TBC1D4: variants seen among roughly 807,000 people sequenced by gnomAD.
TBC1D4 encodes TBC1 domain family member 4, also known as TBC (Tre-2, BUB2, CDC16) domain-containing protein.
TBC1D4 carries 121 observed loss-of-function variants against 142.5 expected under a neutral mutation model. The observed-to-expected ratio is 0.85, with a 90% CI of 0.73 to 0.99. TBC1D4 has a LOEUF of 0.99. Among genes scored for constraint, TBC1D4 ranks in the 50% least tolerant of loss-of-function variants. The pLI is 0.00. For missense variants in TBC1D4, 1,475 were observed against 1,606.6 expected, an observed-to-expected ratio of 0.92 and a Z score of 1.40; for synonymous variants, 630 against 628.2, an observed-to-expected ratio of 1.00 and a Z score of -0.04.
intron 15 of TBC1D4, among the ~76,000 whole-genome samples, chr13:75,305,354 T>C (rs191993586): frequency 2.0e-5 from 3 of 152,276 alleles, no homozygotes; most frequent in Non-Finnish European, 2.9e-5. Flanking sequence ...CTGTATCCAA[T>C]AAGAAATAGG....
intron 1 of TBC1D4, among the ~76,000 whole-genome samples, chr13:75,415,822 A>G (rs1290769290): frequency 6.6e-6 from 1 of 152,214 alleles, no homozygotes; most frequent in Non-Finnish European, 1.5e-5. Flanking sequence ...AAATGATCTT[A>G]ACTGTTAAAT....
chr13:75,466,297 G>A (rs1328107758), intron 1 of TBC1D4, among the ~76,000 whole-genome samples: 1 of 152,152 alleles, frequency 6.6e-6, no homozygotes, highest in African/African-American at 2.4e-5. Flanking sequence ...CAGTGAACAT[G>A]TTCAAAACAG....
At chr13:75,419,058 C>T (rs1018162508) in intron 1 of TBC1D4, among the ~76,000 whole-genome samples, 2 of 152,154 alleles carry the variant, frequency 1.3e-5, no homozygotes, top group African/African-American at 4.8e-5. Flanking sequence ...TTTACTTTCT[C>T]TCTCTTTCAC....
intron 1 of TBC1D4, among the ~76,000 whole-genome samples, chr13:75,474,675 C>T (rs1297843203): frequency 8.3e-5 from 9 of 109,056 alleles, no homozygotes; most frequent in Non-Finnish European, 1.6e-4. Context: ...CTCACTTTGT[C>T]GCCCAAGCTA....
chr13:75,417,254 G>T (rs992528941), intron 1 of TBC1D4, among the ~76,000 whole-genome samples: 1 of 152,094 alleles, frequency 6.6e-6, no homozygotes, highest in Non-Finnish European at 1.5e-5. Context: ...CCCTAGACAC[G>T]TCACCTCCTT....
chr13:75,334,595 G>A (rs1435905247), intron 8 of TBC1D4, among the ~76,000 whole-genome samples: 2 of 151,612 alleles, frequency 1.3e-5, no homozygotes, highest in African/African-American at 4.8e-5. Context: ...TTGTTTGTTT[G>A]TTTGTTTAGA....
chr13:75,414,426 G>T (rs545403897), intron 1 of TBC1D4, among the ~76,000 whole-genome samples: 1 of 152,132 alleles, frequency 6.6e-6, no homozygotes, highest in East Asian at 1.9e-4. Flanking sequence ...AGCTACCCAC[G>T]AAAAGTTTTT....
At chr13:75,326,013 T>C (rs1332535760) in intron 10 of TBC1D4, among the ~76,000 whole-genome samples, 184 bp downstream of exon 10, 1 of 152,208 alleles carries the variant, frequency 6.6e-6, no homozygotes, top group Non-Finnish European at 1.5e-5. Context: ...TAACTCTTCT[T>C]TTTGTGTATG....
chr13:75,297,348 T>G (rs190778709), intron 17 of TBC1D4, among the ~76,000 whole-genome samples: 253 of 152,342 alleles, frequency 1.7e-3, no homozygotes, highest in African/African-American at 5.8e-3. Flanking sequence ...CAAACACTAC[T>G]CACAGGTACT....
chr13:75,453,138 A>G (rs1477410734), intron 1 of TBC1D4, among the ~76,000 whole-genome samples: 3 of 151,928 alleles, frequency 2.0e-5, no homozygotes, highest in South Asian at 4.1e-4. Flanking sequence ...GTCATAATAC[A>G]TAATTCCTGA....
chr13:75,380,458 G>A (rs1333360319), intron 1 of TBC1D4, among the ~76,000 whole-genome samples: 1 of 150,716 alleles, frequency 6.6e-6, no homozygotes, highest in Non-Finnish European at 1.5e-5. Flanking sequence ...GGGCCTAAGA[G>A]CAAAACTCCA....
At chr13:75,380,091 T>A (rs1228386209) in intron 1 of TBC1D4, among the ~76,000 whole-genome samples, 2 of 151,366 alleles carry the variant, frequency 1.3e-5, no homozygotes, top group East Asian at 3.9e-4. Flanking sequence ...GTTGGCCAGG[T>A]AGGTCTCGAA....
chr13:75,463,546 G>T (rs932584503), intron 1 of TBC1D4, among the ~76,000 whole-genome samples: 5 of 152,080 alleles, frequency 3.3e-5, no homozygotes, highest in Admixed American at 6.5e-5. Flanking sequence ...TCCCCATGAA[G>T]TTCTTATGTG....
chr13:75,413,686 A>G (rs1013217768), intron 1 of TBC1D4, among the ~76,000 whole-genome samples: 4 of 152,208 alleles, frequency 2.6e-5, no homozygotes, highest in African/African-American at 9.7e-5. Context: ...TTAAAAGGAT[A>G]GAGTTCTTTC....
At chr13:75,451,636 C>T (rs752489071) in intron 1 of TBC1D4, among the ~76,000 whole-genome samples, 2 of 150,096 alleles carry the variant, frequency 1.3e-5, no homozygotes, top group Non-Finnish European at 3.0e-5. Flanking sequence ...GCTATGATTG[C>T]ACCACTGCAC....
intron 1 of TBC1D4, among the ~76,000 whole-genome samples, chr13:75,450,323 C>T (rs1425262378): frequency 6.6e-6 from 1 of 152,190 alleles, no homozygotes; most frequent in Non-Finnish European, 1.5e-5. Flanking sequence ...GTAATAGCAA[C>T]ATTCCTGACA....
rs1885616661 is a variant in TBC1D4, at chr13:75,410,868, G to A, written c.499-48261C>T. Among the ~76,000 whole-genome samples the A allele has an allele frequency of 3.5e-5, 5 of 142,368 alleles. No homozygotes were observed. In the Middle Eastern group the frequency reaches 0.019, roughly 527 times the overall value. 93.4% of individuals were successfully genotyped at this position (142,368 alleles called of 152,430 possible). A position where few individuals can be genotyped will look rare whatever the true frequency, so the allele number is the denominator to read the frequency against. ...GGAGAATGGCGTGAACCCGGGAGGC[G>A]GAGCTTGCAGTGAGCCGAGATCGCG... On this transcript the variant is annotated intron_variant, in intron 1 of 20. Transcript: ENST00000377636.
At chr13:75,292,332 G>C in intron 18 of TBC1D4, 61 bp from the exon 19 acceptor site, 1 of 1,377,686 alleles carries the variant, frequency 7.3e-7, no homozygotes, top group Non-Finnish European at 1.0e-6. Flanking sequence ...TAAAAAGCAC[G>C]CTATTTGTGC....
At chr13:75,455,079 A>G (rs1887676294) in intron 1 of TBC1D4, among the ~76,000 whole-genome samples, 1 of 152,212 alleles carries the variant, frequency 6.6e-6, no homozygotes, top group Non-Finnish European at 1.5e-5. Context: ...GATCAGAAAG[A>G]TCAAAATATC....
Sources: gnomAD v4.1 joint callset for allele counts (sites outside exome capture counted in the v4.1 genomes callset) on GRCh38, gnomAD v4.1.1 for gene constraint, MANE v1.5 for transcripts, NCBI Gene and HGNC (gene_info 2026-07-23, HGNC 2026-07-21) for gene names.